The following ANXA7 variants were observed in gnomAD, a reference collection of about 807,000 sequenced individuals.
The protein encoded by ANXA7 is annexin A7, also known as annexin VII.
A neutral mutation model predicts 64.9 loss-of-function variants in ANXA7; 55 were observed. The ratio of observed to expected loss-of-function variants is 0.85; its 90% CI spans 0.68 to 1.06. The LOEUF is 1.06. ANXA7 is among the 50% of genes least tolerant of loss of function. The pLI, the probability that ANXA7 is intolerant of heterozygous loss-of-function variation, is 0.00. For missense variants in ANXA7, 548 were observed against 582.1 expected (o/e 0.94, Z 0.60); for synonymous variants, 200 against 192.4 (o/e 1.04, Z -0.33).
intron 5 of ANXA7, among the ~76,000 whole-genome samples, chr10:73,392,509 A>C (rs555277869): frequency 1.3e-5 from 2 of 152,348 alleles, no homozygotes; most frequent in Admixed American, 1.3e-4. Flanking sequence ...CATCACGATC[A>C]AGTTGGCTTC....
At chr10:73,400,999 G>C in intron 1 of ANXA7, 142 bp from the exon 2 acceptor site, 1 of 486,822 alleles carries the variant, frequency 2.1e-6, no homozygotes, top group Non-Finnish European at 3.6e-6. Context: ...CTCTGCCTCC[G>C]GGTTCAAGCG....
At position 73,383,193 on chromosome 10, in the gene ANXA7, T is replaced by C; in HGVS notation, c.900A>G (p.Leu300=). The C allele has an allele frequency of 6.2e-7, 1 of 1,613,436 alleles. No homozygotes were observed. Among genetic ancestry groups the C allele is most frequent in the Non-Finnish European group, 8.5e-7 (1 of 1,179,564 alleles). Residue 300 remains leucine (L), a synonymous_variant, in exon 9 of 13, where the codon TTA becomes TTG. Coordinates refer to ENST00000372921, the MANE Select transcript of ANXA7 (RefSeq NM_001156.5). The part of the protein sequence containing the change: ...RSDTSGHFER[L]LVSMCQGNRD... ...TACTCACCTGGCACATGGACACAAGTAAACGTTCAAAATGTCCTGATGTAT... is the reference window on the plus strand; with the variant it reads ...TACTCACCTGGCACATGGACACAAGCAAACGTTCAAAATGTCCTGATGTAT...
At chr10:73,380,895 C>A (rs893412155) in intron 9 of ANXA7, among the ~76,000 whole-genome samples, 1 of 152,250 alleles carries the variant, frequency 6.6e-6, no homozygotes, top group African/African-American at 2.4e-5. Flanking sequence ...AGACATTAAG[C>A]ACTTTCTTTG....
chr10:73,378,431 A>T (rs561752575), intron 12 of ANXA7, among the ~76,000 whole-genome samples: 91 of 151,790 alleles, frequency 6.0e-4, no homozygotes, highest in African/African-American at 2.2e-3. Flanking sequence ...GAGAAAAAAA[A>T]TTTTTTGTAA....
rs867289392 is a variant in ANXA7 at position 73,394,708 on chromosome 10, C to T, written c.435+1811G>A. 2.6e-5 allele frequency among the ~76,000 whole-genome samples: 4 copies of T among 151,862 alleles called. No homozygotes were observed. In the East Asian group the frequency reaches 5.8e-4, roughly 22 times the overall value. The stretch of plus-strand genomic sequence containing the variant: ...GGGAACATCACACACCAGGGACTGT[C>T]GTGGGGTTGGGGTGGTGGGGAGGGA... On this transcript the variant is annotated intron_variant, in intron 5 of 12. Coordinates refer to ENST00000372921, the MANE Select transcript of ANXA7 (RefSeq NM_001156.5).
At position 73,375,367 on chromosome 10, in the gene ANXA7, C is replaced by T. The variant is rs142564789; in HGVS notation, c.*728G>A. ...GGTAACTATGTCAAGGTGACAGATA[C>T]GTAATTAGCCTGACCTTAATTGTGG... On this transcript the variant is annotated 3_prime_UTR_variant, in exon 13 of 13. Coordinates refer to ENST00000372921, the MANE Select transcript of ANXA7 (RefSeq NM_001156.5). 19 of 152,138 alleles carry T rather than the reference C, an allele frequency of 1.2e-4. No homozygotes were observed. Among genetic ancestry groups the T allele is most frequent in the African/African-American group, 4.3e-4 (18 of 41,518 alleles). The allele number at this position is 152,138 out of a possible 1,614,324, so 9.4% of individuals were successfully genotyped here.
intron 1 of ANXA7, among the ~76,000 whole-genome samples, chr10:73,403,055 C>G (rs1000948971): frequency 1.3e-5 from 2 of 152,176 alleles, no homozygotes; most frequent in African/African-American, 4.8e-5. Flanking sequence ...GAACTACTGA[C>G]CTGGTGATCC....
chr10:73,395,679 C>T (rs2055557887), intron 5 of ANXA7, among the ~76,000 whole-genome samples: 1 of 151,540 alleles, frequency 6.6e-6, no homozygotes, highest in Non-Finnish European at 1.5e-5. Context: ...CCAGTTACTC[C>T]GGAGGCTGAG....
At chr10:73,383,795 C>A in intron 7 of ANXA7, 105 bp from the exon 8 acceptor site, 1 of 784,526 alleles carries the variant, frequency 1.3e-6, no homozygotes, top group East Asian at 2.7e-5. Flanking sequence ...TTTATAAAAA[C>A]CTAAATTTGA....
chr10:73,411,717 C>G (rs1395299414), intron 1 of ANXA7, among the ~76,000 whole-genome samples: 2 of 152,108 alleles, frequency 1.3e-5, no homozygotes, highest in Non-Finnish European at 2.9e-5. Context: ...CAGGCGTGAG[C>G]CACTGTGCGG....
At chr10:73,391,636 A>AAAC (rs1354179984) in intron 5 of ANXA7, among the ~76,000 whole-genome samples, 1 of 152,146 alleles carries the variant, frequency 6.6e-6, no homozygotes, top group Middle Eastern at 3.2e-3. Context: ...CAAACAAATG[A>AAAC]AACAACAACA....
intron 5 of ANXA7, among the ~76,000 whole-genome samples, chr10:73,390,399 T>C (rs757261836): frequency 5.3e-5 from 8 of 152,126 alleles, no homozygotes; most frequent in Non-Finnish European, 1.0e-4. Context: ...CAGTAAGCCT[T>C]AGCATCCATC....
At chr10:73,413,505 A>T (rs2055876491) in intron 1 of ANXA7, among the ~76,000 whole-genome samples, 1 of 152,224 alleles carries the variant, frequency 6.6e-6, no homozygotes, top group Non-Finnish European at 1.5e-5. Flanking sequence ...ATGCTATTCT[A>T]GAATAGCTTC....
At chr10:73,394,922 T>C (rs1253898109) in intron 5 of ANXA7, among the ~76,000 whole-genome samples, 1 of 152,260 alleles carries the variant, frequency 6.6e-6, no homozygotes, top group African/African-American at 2.4e-5. Context: ...GTTTCATGTT[T>C]AAAAGTCATT....
chr10:73,387,844 A>AT, intron 6 of ANXA7, 61 bp from the exon 7 acceptor site: 5 of 957,326 alleles, frequency 5.2e-6, no homozygotes, highest in South Asian at 1.6e-5. Flanking sequence ...GCTTGAGGTC[A>AT]TCTTTTTTTT....
chr10:73,377,937 G>GCA (rs2055210776), intron 12 of ANXA7, among the ~76,000 whole-genome samples: 1 of 151,420 alleles, frequency 6.6e-6, no homozygotes, highest in African/African-American at 2.4e-5. Context: ...GTGTGCGCGC[G>GCA]CGTGTGTTTT....
chr10:73,412,813 T>TTTTTTTTAA (rs2055866523), intron 1 of ANXA7, among the ~76,000 whole-genome samples: 1 of 150,396 alleles, frequency 6.6e-6, no homozygotes, highest in African/African-American at 2.4e-5. Context: ...TTTTTTTTTT[T>TTTTTTTTAA]AAACATTCTC....
chr10:73,391,903 G>A (rs891182217), intron 5 of ANXA7, among the ~76,000 whole-genome samples: 4 of 152,054 alleles, frequency 2.6e-5, no homozygotes, highest in Non-Finnish European at 4.4e-5. Flanking sequence ...CTACCTACTG[G>A]TTTTAGTTCC....
chr10:73,413,858 C>G (rs1733793828), intron 1 of ANXA7, among the ~76,000 whole-genome samples, 154 bp downstream of exon 1: 2 of 152,214 alleles, frequency 1.3e-5, no homozygotes, highest in Non-Finnish European at 2.9e-5. Context: ...AGCCCGGCTA[C>G]GAGACGCGCA....
Sources: gnomAD v4.1 joint callset for allele counts (sites outside exome capture counted in the v4.1 genomes callset) on GRCh38, gnomAD v4.1.1 for gene constraint, MANE v1.5 for transcripts, NCBI Gene and HGNC (gene_info 2026-07-23, HGNC 2026-07-21) for gene names.